Variants in ZNF385D observed in about 807,000 individuals in gnomAD.
The protein encoded by ZNF385D is zinc finger protein 385D, also known as zinc finger protein 659.
A neutral mutation model predicts 35.8 loss-of-function variants in ZNF385D; 15 were observed. The ratio of observed to expected loss-of-function variants is 0.42; its 90% confidence interval spans 0.28 to 0.64. ZNF385D has a LOEUF of 0.64. Among genes scored for constraint, ZNF385D ranks in the 30% least tolerant of loss-of-function variants. ZNF385D has a pLI of 0.23. For synonymous variants in ZNF385D, 212 were observed against 186.8 expected (o/e 1.13, Z -1.10); for missense variants, 474 against 494.6 (o/e 0.96, Z 0.39).
intron 3 of ZNF385D, among the ~76,000 whole-genome samples, chr3:22,005,123 G>C (rs982886496): frequency 9.5e-5 from 9 of 94,902 alleles, no homozygotes; most frequent in Admixed American, 8.6e-4. Context: ...AGTGGGCAAA[G>C]AATATGAATA....
chr3:21,666,535 C>T (rs1430253171), intron 1 of ZNF385D, among the ~76,000 whole-genome samples: 1 of 152,098 alleles, frequency 6.6e-6, no homozygotes, highest in Non-Finnish European at 1.5e-5. Context: ...AAATAAAGGG[C>T]AGATGTCAAA....
rs552749243 is a variant in ZNF385D at position 21,544,230 on chromosome 3, G to A, written c.276+20344C>T. Among the ~76,000 whole-genome samples the A allele has an allele frequency of 9.8e-5, 15 of 152,322 alleles. No individual in the cohort carries two copies. The East Asian group carries it at 2.9e-3, about 29-fold the overall frequency. On this transcript the variant is annotated intron_variant, in intron 3 of 7. Transcript: ENST00000281523. Reference sequence around the variant, plus strand: ...GCTTGTTGGGTTTTGAGAACTATTTGCTTTGCCAGCTTCGCAATTGGTAAG... The same window carrying A: ...GCTTGTTGGGTTTTGAGAACTATTTACTTTGCCAGCTTCGCAATTGGTAAG...
intron 2 of ZNF385D, among the ~76,000 whole-genome samples, chr3:22,265,862 T>TAG (rs1559487780): frequency 1.3e-5 from 2 of 151,970 alleles, no homozygotes; most frequent in African/African-American, 4.8e-5. Context: ...TAAGGTCACA[T>TAG]AGAGGTTAAG....
chr3:21,506,332 GATATGTA>G, intron 4 of ZNF385D, among the ~76,000 whole-genome samples: 2 of 152,284 alleles, frequency 1.3e-5, no homozygotes, highest in Non-Finnish European at 2.9e-5. Flanking sequence ...AACCACAGCT[GATATGTA>G]GTATGAGTAA....
At chr3:21,861,622 T>C (rs994049616) in intron 3 of ZNF385D, among the ~76,000 whole-genome samples, 2 of 152,144 alleles carry the variant, frequency 1.3e-5, no homozygotes, top group African/African-American at 4.8e-5. Context: ...AGATGGCATA[T>C]AGGGAGAATC....
At chr3:21,817,486 A>G (rs1051050270) in intron 3 of ZNF385D, among the ~76,000 whole-genome samples, 6 of 152,202 alleles carry the variant, frequency 3.9e-5, no homozygotes, top group Non-Finnish European at 8.8e-5. Context: ...CAAATTTACA[A>G]GAAAAAATTG....
intron 3 of ZNF385D, chr3:21,563,380 A>G (rs567437530): frequency 6.6e-6 from 1 of 152,324 alleles, no homozygotes; most frequent in African/African-American, 2.4e-5. Flanking sequence ...AGCTGGCCAA[A>G]TGGACTAAAG....
intron 3 of ZNF385D, among the ~76,000 whole-genome samples, chr3:21,955,981 T>G (rs1176297456): frequency 2.0e-5 from 3 of 152,006 alleles, no homozygotes; most frequent in Non-Finnish European, 2.9e-5. Flanking sequence ...AGCTCAGGTA[T>G]ATGAAACGAG....
At chr3:22,043,070 A>G (rs939553217) in intron 3 of ZNF385D, among the ~76,000 whole-genome samples, 3 of 150,538 alleles carry the variant, frequency 2.0e-5, no homozygotes, top group African/African-American at 7.2e-5. Context: ...GTGCCACACG[A>G]TCATTCCTTG....
rs1199757484 is a variant in ZNF385D, at chr3:22,334,726, A to AT, written c.106+37723dup. 2.6e-5 allele frequency among the ~76,000 whole-genome samples: 4 copies of AT among 152,032 alleles called. No individual in the cohort carries two copies. In the East Asian group the frequency reaches 7.7e-4, roughly 29 times the overall value. On this transcript the variant is annotated intron_variant, in intron 2 of 5. Coordinates refer to the ZNF385D transcript ENST00000494108. ...GTGGACATTTTACCCTACTTTTATT[A>AT]TTTTTTTCTTCATATTCAGTTTTTA...
intron 2 of ZNF385D, among the ~76,000 whole-genome samples, chr3:22,263,180 G>GAT (rs1700722389): frequency 6.6e-6 from 1 of 151,908 alleles, no homozygotes; most frequent in South Asian, 2.1e-4. Flanking sequence ...TTAAAAATAA[G>GAT]ATTCTGCTAC....
At chr3:21,998,215 A>G (rs765967933) in intron 3 of ZNF385D, among the ~76,000 whole-genome samples, 3 of 152,120 alleles carry the variant, frequency 2.0e-5, no homozygotes, top group Admixed American at 1.3e-4. Context: ...ATGGGTAGGT[A>G]TAAATGTAGC....
chr3:21,690,107 A>T (rs747337884), intron 1 of ZNF385D, among the ~76,000 whole-genome samples: 1 of 152,168 alleles, frequency 6.6e-6, no homozygotes, highest in Non-Finnish European at 1.5e-5. Flanking sequence ...TATACATGTA[A>T]CATATTTCAG....
At position 21,683,008 on chromosome 3, in the gene ZNF385D, A is replaced by G. The variant is rs1020933325; in HGVS notation, c.23-17980T>C. ...AGCATCAGAAATGCCTAGAGGGCTT[A>G]TTAAGACACAGACTTCTGATGTCTT... is the stretch of plus-strand genomic sequence containing the variant. On this transcript the variant is annotated intron_variant, in intron 1 of 7. Coordinates refer to ENST00000281523, the MANE Select transcript of ZNF385D (RefSeq NM_024697.3). 4.7e-5 allele frequency among the ~76,000 whole-genome samples: 7 copies of G among 150,002 alleles called. 1 individual carries two copies. Among genetic ancestry groups the G allele is most frequent in the Non-Finnish European group, 8.9e-5 (6 of 67,378 alleles).
chr3:22,066,680 T>A (rs1447109233), intron 3 of ZNF385D, among the ~76,000 whole-genome samples: 1 of 151,814 alleles, frequency 6.6e-6, no homozygotes, highest in African/African-American at 2.4e-5. Flanking sequence ...GTAACAAGGT[T>A]AGAAGAGGAA....
At chr3:21,805,804 G>C (rs1009466005) in intron 3 of ZNF385D, among the ~76,000 whole-genome samples, 17 of 152,262 alleles carry the variant, frequency 1.1e-4, no homozygotes, top group African/African-American at 3.4e-4. Flanking sequence ...CAATCCTAGT[G>C]AAAGAATGGG....
intron 3 of ZNF385D, among the ~76,000 whole-genome samples, chr3:21,838,009 G>T (rs914246365): frequency 3.3e-5 from 5 of 152,062 alleles, no homozygotes; most frequent in South Asian, 4.1e-4. Flanking sequence ...CAGGGTTTGT[G>T]GAGCCTATGG....
chr3:21,776,453 C>T (rs1004485564), intron 3 of ZNF385D, among the ~76,000 whole-genome samples: 1 of 151,912 alleles, frequency 6.6e-6, no homozygotes, highest in African/African-American at 2.4e-5. Flanking sequence ...TAAAAAAGAA[C>T]GACGTATGTG....
At chr3:21,803,542 C>T (rs2072503019) in intron 3 of ZNF385D, among the ~76,000 whole-genome samples, 1 of 151,914 alleles carries the variant, frequency 6.6e-6, no homozygotes, top group South Asian at 2.1e-4. Context: ...CTTAATTTTA[C>T]AGTGAAAAAA....
Sources: gnomAD v4.1 joint callset for allele counts (sites outside exome capture counted in the v4.1 genomes callset) on GRCh38, gnomAD v4.1.1 for gene constraint, MANE v1.5 for transcripts, NCBI Gene and HGNC (gene_info 2026-07-23, HGNC 2026-07-21) for gene names.